IQCM: variants seen among roughly 807,000 people sequenced by gnomAD.
The protein encoded by IQCM is IQ motif containing M.
Under a neutral mutation model 57.6 loss-of-function variants are expected in IQCM, and 45 were observed. The observed-to-expected ratio is 0.78, with a 90% CI of 0.62 to 1.00. The LOEUF is 1.00. Ranked by LOEUF, IQCM falls within the 50% of genes least tolerant of loss-of-function variation. The probability of loss-of-function intolerance (pLI) is 0.00; values close to 1 mark genes in which losing one functional copy is unlikely to be tolerated. For synonymous variants in IQCM, 148 were observed against 158.9 expected (o/e 0.93, Z 0.51); for missense variants, 468 against 511.6 (o/e 0.91, Z 0.82).
At chr4:149,780,318 G>A (rs1301556366) in intron 2 of IQCM, 1 of 151,960 alleles carries the variant, frequency 6.6e-6, no homozygotes, top group Non-Finnish European at 1.5e-5. Context: ...CGTCTTGATG[G>A]ATTAGCCTGA....
chr4:149,407,334 T>A (rs1733056409), intron 13 of IQCM, among the ~76,000 whole-genome samples: 1 of 152,114 alleles, frequency 6.6e-6, no homozygotes, highest in Non-Finnish European at 1.5e-5. Context: ...TTAAACAAAT[T>A]TTTATGGATT....
intron 12 of IQCM, among the ~76,000 whole-genome samples, chr4:149,470,847 A>T (rs1394304738): frequency 6.6e-6 from 1 of 152,256 alleles, no homozygotes. Context: ...TGGAAACTGA[A>T]CAACTTACTC....
intron 2 of IQCM, among the ~76,000 whole-genome samples, chr4:149,795,424 A>C (rs1200086241): frequency 2.0e-5 from 3 of 152,162 alleles, no homozygotes; most frequent in Non-Finnish European, 4.4e-5. Context: ...GGAATCACTG[A>C]TCCCAGTGGT....
intron 12 of IQCM, among the ~76,000 whole-genome samples, chr4:149,528,710 C>A (rs1295521456): frequency 6.6e-6 from 1 of 151,884 alleles, no homozygotes; most frequent in African/African-American, 2.4e-5. Flanking sequence ...TGGAGGACTC[C>A]CCAAGACAAA....
intron 2 of IQCM, among the ~76,000 whole-genome samples, chr4:149,802,847 T>C (rs1209011456): frequency 2.0e-5 from 3 of 152,012 alleles, no homozygotes; most frequent in Non-Finnish European, 4.4e-5. Context: ...TTAACACCCC[T>C]AGAATCTTGT....
At chr4:149,473,287 A>G (rs913837772) in intron 12 of IQCM, among the ~76,000 whole-genome samples, 2 of 152,222 alleles carry the variant, frequency 1.3e-5, no homozygotes, top group Non-Finnish European at 2.9e-5. Context: ...GAAAAAAATC[A>G]AACAACCTCA....
intron 13 of IQCM, among the ~76,000 whole-genome samples, chr4:149,394,230 A>G (rs1732062019): frequency 6.6e-6 from 1 of 151,964 alleles, no homozygotes; most frequent in Non-Finnish European, 1.5e-5. Context: ...TAATTGGCTC[A>G]TATCTTAAAT....
At chr4:149,783,264 T>C (rs978492231) in intron 2 of IQCM, among the ~76,000 whole-genome samples, 1 of 152,226 alleles carries the variant, frequency 6.6e-6, no homozygotes, top group African/African-American at 2.4e-5. Context: ...ATTCATTTCT[T>C]CAATTTTCTT....
At chr4:149,633,406 G>C (rs1757460914) in intron 7 of IQCM, among the ~76,000 whole-genome samples, 1 of 152,048 alleles carries the variant, frequency 6.6e-6, no homozygotes. Context: ...TAAGTCTTAA[G>C]AGGATGAAGA....
At chr4:149,689,287 T>C (rs1348970643) in intron 5 of IQCM, among the ~76,000 whole-genome samples, 1 of 152,082 alleles carries the variant, frequency 6.6e-6, no homozygotes, top group African/African-American at 2.4e-5. Flanking sequence ...GAAATCATCA[T>C]CTGCACCAAA....
chr4:149,535,477 T>C (rs1263502980), intron 12 of IQCM, among the ~76,000 whole-genome samples: 1 of 151,972 alleles, frequency 6.6e-6, no homozygotes, highest in Non-Finnish European at 1.5e-5. Context: ...GTACTGGGTG[T>C]ATAATCTTAA....
At chr4:149,778,581 T>C (rs1455798474) in intron 2 of IQCM, among the ~76,000 whole-genome samples, 2 of 151,788 alleles carry the variant, frequency 1.3e-5, no homozygotes, top group African/African-American at 4.8e-5. Context: ...TTTGAAAAGA[T>C]TAATACAATT....
intron 12 of IQCM, among the ~76,000 whole-genome samples, chr4:149,530,174 C>T (rs1340488972): frequency 6.6e-6 from 1 of 152,064 alleles, no homozygotes; most frequent in East Asian, 1.9e-4. Context: ...ATCTTCTTAC[C>T]TTGCTTTAGT....
At chr4:149,381,344 T>C (rs1731061775) in intron 13 of IQCM, among the ~76,000 whole-genome samples, 3 of 152,120 alleles carry the variant, frequency 2.0e-5, no homozygotes, top group Non-Finnish European at 4.4e-5. Context: ...TTAAACCATG[T>C]CATTCTATTG....
At chr4:149,687,659 C>T (rs1366659486) in intron 5 of IQCM, among the ~76,000 whole-genome samples, 1 of 151,554 alleles carries the variant, frequency 6.6e-6, no homozygotes, top group Non-Finnish European at 1.5e-5. Context: ...AAGAAAACTA[C>T]AGACCAATAT....
chr4:149,679,903 C>G (rs936209209), intron 7 of IQCM, among the ~76,000 whole-genome samples: 15 of 151,204 alleles, frequency 9.9e-5, no homozygotes, highest in African/African-American at 3.4e-4. Flanking sequence ...AAATTAACAA[C>G]CATAAAAAGT....
intron 2 of IQCM, among the ~76,000 whole-genome samples, chr4:149,743,287 C>T (rs1272317249): frequency 6.6e-6 from 1 of 152,044 alleles, no homozygotes; most frequent in Non-Finnish European, 1.5e-5. Context: ...ATCCTACCTG[C>T]CCTCAAAGCC....
chr4:149,420,272 G>A (rs964920300), intron 13 of IQCM, among the ~76,000 whole-genome samples: 2 of 152,052 alleles, frequency 1.3e-5, no homozygotes, highest in Non-Finnish European at 2.9e-5. Flanking sequence ...ACTAGATAAA[G>A]AAAATGTGGT....
At chr4:149,639,984 A>G (rs907141336) in intron 7 of IQCM, among the ~76,000 whole-genome samples, 1 of 152,214 alleles carries the variant, frequency 6.6e-6, no homozygotes, top group African/African-American at 2.4e-5. Context: ...TAAAGTAGCC[A>G]ACTCAATTTT....
Sources: allele counts gnomAD v4.1 joint callset (sites outside exome capture counted in the v4.1 genomes callset), GRCh38; gene constraint gnomAD v4.1.1; transcripts MANE v1.5; gene names NCBI Gene and HGNC (gene_info 2026-07-23, HGNC 2026-07-21).